Variants in NIT2 observed in about 807,000 individuals in gnomAD.
The protein encoded by NIT2 is nitrilase family member 2, also known as omega-amidase NIT2.
In NIT2, 46 loss-of-function variants were observed where a neutral mutation model predicts 42.7. The ratio of observed to expected loss-of-function variants is 1.08; its 90% CI spans 0.85 to 1.38. The LOEUF (loss-of-function observed/expected upper bound fraction) is 1.38. Ranked by LOEUF, NIT2 falls within the 40% of genes most tolerant of loss-of-function variation. NIT2 has a pLI of 0.00. For missense variants in NIT2, 309 were observed against 342.5 expected (o/e 0.90, Z 0.77); for synonymous variants, 123 against 121.9 (o/e 1.01, Z -0.06).
intron 1 of NIT2, chr3:100,335,069 A>G (rs1706052563): frequency 2.0e-6 from 1 of 494,372 alleles, no homozygotes; most frequent in Non-Finnish European, 3.8e-6. Context: ...CCTGCTTGAC[A>G]GAGGCTGATG....
intron 6 of NIT2, among the ~76,000 whole-genome samples, chr3:100,346,865 A>C (rs1396195809): frequency 6.6e-6 from 1 of 152,112 alleles, no homozygotes; most frequent in African/African-American, 2.4e-5. Flanking sequence ...GCTACTTCCA[A>C]ATAGACTGTC....
chr3:100,337,494 T>A (rs781694421), intron 1 of NIT2, among the ~76,000 whole-genome samples: 3 of 152,142 alleles, frequency 2.0e-5, no homozygotes, highest in Non-Finnish European at 4.4e-5. Flanking sequence ...CACTCTGTCG[T>A]CCAGGCTGGA....
rs376105509 is a variant in NIT2 at position 100,353,392 on chromosome 3, C to T, written c.683+890C>T. The stretch of plus-strand genomic sequence containing the variant: ...CTGTCTTCTGCCTTTATAGGTAGGG[C>T]TCAGAGCTCAATGTGTGTGGTGGGG... On this transcript the variant is annotated intron_variant, in intron 8 of 9. Transcript: ENST00000394140. Among the ~76,000 whole-genome samples, 119 of 152,270 alleles carry T rather than the reference C, an allele frequency of 7.8e-4. 7 individuals carry two copies. In the South Asian group the frequency reaches 0.024, roughly 31 times the overall value.
intron 1 of NIT2, among the ~76,000 whole-genome samples, chr3:100,338,498 T>G (rs1417169839): frequency 1.3e-5 from 2 of 152,212 alleles, no homozygotes; most frequent in South Asian, 2.1e-4. Flanking sequence ...GGGATCGATG[T>G]GCTGTGACCC....
At chr3:100,347,321 C>T (rs1422623974) in intron 6 of NIT2, among the ~76,000 whole-genome samples, 1 of 152,202 alleles carries the variant, frequency 6.6e-6, no homozygotes, top group African/African-American at 2.4e-5. Flanking sequence ...GTCTTGAACT[C>T]CTGACTTCAG....
chr3:100,348,920 C>T (rs1003506225), intron 7 of NIT2, 39 bp downstream of exon 7: 3 of 1,570,368 alleles, frequency 1.9e-6, no homozygotes, highest in African/African-American at 1.3e-5. Context: ...CTCGGCATGT[C>T]CTCTTTGTAG....
rs949102058 is a variant in NIT2 at position 100,355,609 on chromosome 3, C to T, written c.*341C>T. 5.3e-4 allele frequency: 101 copies of T among 190,404 alleles called. No homozygotes were observed. The highest frequency in any genetic ancestry group is 2.2e-3 in the African/African-American group (93 of 42,820). 11.8% of individuals were successfully genotyped at this position (190,404 alleles called of 1,614,324 possible). A position where few individuals can be genotyped will look rare whatever the true frequency, so the allele number is the denominator to read the frequency against. On this transcript the variant is annotated 3_prime_UTR_variant, in exon 10 of 10. Transcript: ENST00000394140. ...TATTTGTGTCATGAACCTCTTATCC[C>T]GTTGCTGGAGTTGTAATCTCCATCA...
chr3:100,355,196 A>G lies in NIT2; in HGVS notation c.759A>G (p.Glu253=). The G allele has an allele frequency of 6.2e-7, 1 of 1,614,096 alleles. No individual in the cohort carries two copies. The highest frequency in any genetic ancestry group is 8.5e-7 in the Non-Finnish European group (1 of 1,179,966). ...TTGCAGACCTGAAGAAGCTGGCTGA[A>G]ATACGCCAGCAAATCCCCGTTTTTA... is the stretch of plus-strand genomic sequence containing the variant. The part of the protein sequence containing the change: ...YSDIDLKKLA[E]IRQQIPVFRQ... Residue 253 remains glutamate (E), a synonymous_variant, in exon 10 of 10, where the codon GAA becomes GAG. Transcript: ENST00000394140.
intron 4 of NIT2, among the ~76,000 whole-genome samples, chr3:100,344,345 A>G (rs1449584729): frequency 6.6e-6 from 1 of 152,170 alleles, no homozygotes; most frequent in South Asian, 2.1e-4. Context: ...TCAGTGCTTT[A>G]AGTAGTTGTG....
chr3:100,341,688 A>G (rs1032154821), intron 4 of NIT2, among the ~76,000 whole-genome samples: 2 of 151,902 alleles, frequency 1.3e-5, no homozygotes, highest in Non-Finnish European at 2.9e-5. Context: ...AATTTTTATT[A>G]GTATTTCATT....
chr3:100,342,079 G>A (rs1706162448), intron 4 of NIT2, among the ~76,000 whole-genome samples: 1 of 152,012 alleles, frequency 6.6e-6, no homozygotes, highest in Non-Finnish European at 1.5e-5. Flanking sequence ...GTATCATTAA[G>A]TCTTCTTGAT....
rs1451748715 is a variant in NIT2 at position 100,356,991 on chromosome 3, TTC to T, written c.*1725_*1726del. 59 of 152,354 alleles carry T rather than the reference TTC, an allele frequency of 3.9e-4. No homozygotes were observed. Among genetic ancestry groups the T allele is most frequent in the African/African-American group, 1.3e-3 (56 of 41,588 alleles). The allele number at this position is 152,354 out of a possible 1,614,324, so 9.4% of individuals were successfully genotyped here. On this transcript the variant is annotated 3_prime_UTR_variant, in exon 10 of 10. Transcript: ENST00000394140. ...TATGTCTTCTTTCACTCAAAATTAC[TTC>T]TTTCATTTTTAGACGGAAGCATTTA...
intron 7 of NIT2, 47 bp from the exon 8 acceptor site, chr3:100,352,357 C>A: frequency 1.4e-6 from 2 of 1,454,380 alleles, no homozygotes; most frequent in South Asian, 2.3e-5. Flanking sequence ...AGAAAAATGT[C>A]AGATTTATAA....
At position 100,361,280 on chromosome 3, in the gene NIT2, C is replaced by T. The variant is rs1323000689; in HGVS notation, c.*6012C>T. 6.7e-6 allele frequency: 1 copy of T among 148,564 alleles called. No individual in the cohort carries two copies. The highest frequency in any genetic ancestry group is 2.6e-5 in the African/African-American group (1 of 39,130). The allele number at this position is 148,564 out of a possible 1,614,324, so 9.2% of individuals were successfully genotyped here. ...ATTCTTGCTTTAAACCTTTCGCCCTCTAAAACAATGCCCAAGAGCCAATGT... is the reference window on the plus strand; with the variant it reads ...ATTCTTGCTTTAAACCTTTCGCCCTTTAAAACAATGCCCAAGAGCCAATGT... On this transcript the variant is annotated 3_prime_UTR_variant, in exon 10 of 10. Transcript: ENST00000394140.
rs1247967360 is a variant in NIT2, at chr3:100,360,707, T to A, written c.*5439T>A. 2 of 152,208 alleles carry A rather than the reference T, an allele frequency of 1.3e-5. No individual in the cohort carries two copies. Among genetic ancestry groups the A allele is most frequent in the Admixed American group, 6.5e-5 (1 of 15,286 alleles). 9.4% of individuals were successfully genotyped at this position (152,208 alleles called of 1,614,324 possible). A position where few individuals can be genotyped will look rare whatever the true frequency, so the allele number is the denominator to read the frequency against. On this transcript the variant is annotated 3_prime_UTR_variant, in exon 10 of 10. Coordinates refer to ENST00000394140, the MANE Select transcript of NIT2 (RefSeq NM_020202.5). ...CACTGCTGAAAAACTAAGCTTGAGA[T>A]GCATAAAAGAACACATAGAGATGGG...
chr3:100,354,887 T>G, intron 9 of NIT2, 60 bp downstream of exon 9: 1 of 1,399,054 alleles, frequency 7.1e-7, no homozygotes, highest in Non-Finnish European at 1.0e-6. Flanking sequence ...GAGGCCAGAC[T>G]CCATGGCTGG....
chr3:100,354,920 G>T, intron 9 of NIT2, 93 bp downstream of exon 9: 1 of 1,049,088 alleles, frequency 9.5e-7, no homozygotes, highest in South Asian at 1.5e-5. Context: ...ATTTGGAGGG[G>T]TTCCTTTATG....
At chr3:100,340,798 A>C (rs1706141087) in intron 3 of NIT2, among the ~76,000 whole-genome samples, 1 of 151,846 alleles carries the variant, frequency 6.6e-6, no homozygotes, top group Non-Finnish European at 1.5e-5. Flanking sequence ...TTTGGCATCT[A>C]ACCTAATCAT....
intron 6 of NIT2, among the ~76,000 whole-genome samples, chr3:100,347,897 CTT>C (rs35843153): frequency 6.9e-6 from 1 of 145,940 alleles, no homozygotes; most frequent in Non-Finnish European, 1.5e-5. Flanking sequence ...TATGGGTTTC[CTT>C]TTTTTTTTTG....
Sources: allele counts gnomAD v4.1 joint callset (sites outside exome capture counted in the v4.1 genomes callset), GRCh38; gene constraint gnomAD v4.1.1; transcripts MANE v1.5; gene names NCBI Gene and HGNC (gene_info 2026-07-23, HGNC 2026-07-21).